The following OSBPL10 variants were observed in gnomAD, a reference collection of about 807,000 sequenced individuals.
OSBPL10 encodes oxysterol binding protein like 10.
OSBPL10 carries 49 observed loss-of-function variants against 81.7 expected under a neutral mutation model. That is an observed-to-expected ratio of 0.60 (90% CI 0.48 to 0.76). OSBPL10 has a LOEUF of 0.76. Ranked by LOEUF, OSBPL10 falls within the 30% of genes least tolerant of loss-of-function variation. OSBPL10 has a pLI of 0.00. For missense variants in OSBPL10, 923 were observed against 987.8 expected, an observed-to-expected ratio of 0.93 and a Z score of 0.88; for synonymous variants, 419 against 383.6, an observed-to-expected ratio of 1.09 and a Z score of -1.08.
chr3:31,896,171 C>A (rs533805960), intron 1 of OSBPL10, among the ~76,000 whole-genome samples: 5 of 152,282 alleles, frequency 3.3e-5, no homozygotes, highest in Non-Finnish European at 5.9e-5. Context: ...AATACAGAAT[C>A]CTTCAGAAAT....
intron 6 of OSBPL10, chr3:31,718,375 C>T (rs1204880466): frequency 1.3e-5 from 2 of 152,212 alleles, no homozygotes; most frequent in Non-Finnish European, 1.5e-5. Context: ...GATCTGTCTT[C>T]CTCAGCCTCC....
At chr3:31,663,340 C>G (rs774966778) in intron 11 of OSBPL10, 1 of 985,496 alleles carries the variant, frequency 1.0e-6, no homozygotes, top group African/African-American at 1.7e-5. Flanking sequence ...TCTGCCCCAG[C>G]CCTCACCGGC....
chr3:32,046,521 G>A (rs764492235), exon 2 of OSBPL10: 3 of 152,148 alleles, frequency 2.0e-5, no homozygotes, highest in African/African-American at 7.2e-5. Context: ...GACTCTTCTT[G>A]CAGAATGAGT....
At chr3:31,977,252 G>A (rs6550091) in intron 1 of OSBPL10, among the ~76,000 whole-genome samples, 62,476 of 151,736 alleles carry the variant, frequency 0.41, 15,256 homozygotes, top group East Asian at 0.77. Flanking sequence ...ATTCATCAGC[G>A]ATTTCCATCC....
chr3:32,068,800 G>A (rs1221880736), intron 1 of OSBPL10, among the ~76,000 whole-genome samples: 1 of 151,936 alleles, frequency 6.6e-6, no homozygotes, highest in Non-Finnish European at 1.5e-5. Context: ...CCTCCTGCCT[G>A]TCCCTTCAGT....
intron 1 of OSBPL10, among the ~76,000 whole-genome samples, chr3:31,911,215 T>C (rs1477235296): frequency 1.3e-5 from 2 of 152,206 alleles, no homozygotes; most frequent in Non-Finnish European, 2.9e-5. Context: ...CAGTAGGCCA[T>C]TGCAGTCTCT....
chr3:31,785,810 A>G (rs1248888871), intron 4 of OSBPL10, among the ~76,000 whole-genome samples: 3 of 152,260 alleles, frequency 2.0e-5, no homozygotes, highest in South Asian at 4.1e-4. Context: ...CTAAAGTCCT[A>G]GCCTTCCCTT....
At chr3:31,752,665 A>T (rs1018158829) in intron 4 of OSBPL10, among the ~76,000 whole-genome samples, 2 of 152,238 alleles carry the variant, frequency 1.3e-5, no homozygotes, top group Non-Finnish European at 1.5e-5. Flanking sequence ...ATCAAAAACC[A>T]ATGATATCTA....
intron 2 of OSBPL10, among the ~76,000 whole-genome samples, chr3:32,007,602 T>G (rs1053612246): frequency 6.6e-6 from 1 of 152,160 alleles, no homozygotes; most frequent in African/African-American, 2.4e-5. Context: ...TTTCTGTATA[T>G]GTCAAAGTTC....
At chr3:32,046,465 C>T (rs752129481) in intron 2 of OSBPL10, 3 of 152,128 alleles carry the variant, frequency 2.0e-5, no homozygotes, top group Non-Finnish European at 4.4e-5. Flanking sequence ...TAAACAAAAT[C>T]CACTTATATA....
chr3:31,887,278 C>T (rs1695761445), intron 1 of OSBPL10, among the ~76,000 whole-genome samples: 2 of 152,186 alleles, frequency 1.3e-5, no homozygotes, highest in South Asian at 4.1e-4. Context: ...TACAGAAAAA[C>T]TCAGGAAAAG....
chr3:31,992,523 T>C (rs563157091), intron 2 of OSBPL10, among the ~76,000 whole-genome samples: 1 of 152,274 alleles, frequency 6.6e-6, no homozygotes, highest in East Asian at 1.9e-4. Context: ...ATTCCTTGGT[T>C]CCTGGTTTTT....
At chr3:32,053,803 A>G (rs1215930123) in intron 1 of OSBPL10, among the ~76,000 whole-genome samples, 2 of 152,044 alleles carry the variant, frequency 1.3e-5, no homozygotes, top group Admixed American at 1.3e-4. Context: ...GTGAAACCCT[A>G]TCTCTACTAA....
chr3:31,872,887 G>A (rs921435063), intron 3 of OSBPL10, among the ~76,000 whole-genome samples: 1 of 152,168 alleles, frequency 6.6e-6, no homozygotes, highest in African/African-American at 2.4e-5. Flanking sequence ...GCCTCCCAAA[G>A]TGCTGGGATT....
chr3:31,943,967 C>CAAAAAAGAAAAAAAAAAAAAAA (rs1697614372), intron 1 of OSBPL10, among the ~76,000 whole-genome samples: 1 of 37,778 alleles, frequency 2.6e-5, no homozygotes. Context: ...GACTCCGTCT[C>CAAAAAAGAAAAAAAAAAAAAAA]AAAAAAAAAA....
intron 1 of OSBPL10, among the ~76,000 whole-genome samples, chr3:31,900,356 T>TA (rs1482598029): frequency 1.3e-5 from 2 of 152,270 alleles, no homozygotes; most frequent in Non-Finnish European, 2.9e-5. Flanking sequence ...AACAAACCAT[T>TA]TACCATATCA....
chr3:31,692,597 G>A (rs984168169), intron 7 of OSBPL10, among the ~76,000 whole-genome samples: 1 of 152,000 alleles, frequency 6.6e-6, no homozygotes, highest in African/African-American at 2.4e-5. Context: ...AGAAACAATT[G>A]TATAAGACAA....
chr3:31,902,383 C>T (rs1271029851), intron 1 of OSBPL10, among the ~76,000 whole-genome samples: 1 of 151,444 alleles, frequency 6.6e-6, no homozygotes, highest in African/African-American at 2.4e-5. Context: ...CTGCCTCAGC[C>T]TTCCGAATAG....
chr3:31,875,413 A>G (rs1002496355), intron 3 of OSBPL10, among the ~76,000 whole-genome samples: 1 of 152,202 alleles, frequency 6.6e-6, no homozygotes, highest in African/African-American at 2.4e-5. Flanking sequence ...CTTGGAAAAT[A>G]AAGAAGGCCA....
Sources: allele counts gnomAD v4.1 joint callset (sites outside exome capture counted in the v4.1 genomes callset), GRCh38; gene constraint gnomAD v4.1.1; transcripts MANE v1.5; gene names NCBI Gene and HGNC (gene_info 2026-07-23, HGNC 2026-07-21).